The following PCCA variants were observed in gnomAD, a reference collection of about 807,000 sequenced individuals.
The protein encoded by PCCA is propionyl-CoA carboxylase subunit alpha.
A neutral mutation model predicts 101.3 loss-of-function variants in PCCA; 74 were observed. The ratio of observed to expected loss-of-function variants is 0.73; its 90% confidence interval spans 0.61 to 0.89. The LOEUF (loss-of-function observed/expected upper bound fraction) is 0.89, where lower values mean the gene tolerates loss of function less well. Ranked by LOEUF, PCCA falls within the 40% of genes least tolerant of loss-of-function variation. The pLI, the probability that PCCA is intolerant of heterozygous loss-of-function variation, is 0.00. For synonymous variants in PCCA, 294 were observed against 313.6 expected, an observed-to-expected ratio of 0.94 and a Z score of 0.66; for missense variants, 891 against 907.0, an observed-to-expected ratio of 0.98 and a Z score of 0.23.
chr13:100,421,200 G>A (rs1283286), intron 19 of PCCA, among the ~76,000 whole-genome samples: 6,151 of 151,260 alleles, frequency 0.041, 397 homozygotes, highest in African/African-American at 0.13. Context: ...CACAGAGTGA[G>A]GCTTAAAAAA....
chr13:100,197,707 A>T (rs893373212), intron 6 of PCCA, among the ~76,000 whole-genome samples: 13 of 152,176 alleles, frequency 8.5e-5, no homozygotes, highest in Non-Finnish European at 1.5e-5. Context: ...GGCATGAGCC[A>T]CTGTGCCCAG....
chr13:100,341,565 C>T (rs1284152411), intron 18 of PCCA, among the ~76,000 whole-genome samples: 1 of 152,174 alleles, frequency 6.6e-6, no homozygotes, highest in Non-Finnish European at 1.5e-5. Flanking sequence ...CTGCACTGGG[C>T]AACTCTAAGA....
At chr13:100,517,296 G>A (rs991810908) in intron 22 of PCCA, among the ~76,000 whole-genome samples, 6 of 152,170 alleles carry the variant, frequency 3.9e-5, no homozygotes, top group African/African-American at 1.4e-4. Flanking sequence ...GATCAGCGCA[G>A]CCTTCTGGTT....
chr13:100,441,344 G>A (rs963173769), intron 20 of PCCA, among the ~76,000 whole-genome samples: 2 of 152,116 alleles, frequency 1.3e-5, no homozygotes, highest in Non-Finnish European at 2.9e-5. Flanking sequence ...AAATCAGTGA[G>A]GGGAAAAAGA....
chr13:100,163,629 T>C (rs2054720497), intron 6 of PCCA, among the ~76,000 whole-genome samples: 1 of 152,194 alleles, frequency 6.6e-6, no homozygotes, highest in Non-Finnish European at 1.5e-5. Flanking sequence ...TCATGTGTCA[T>C]CAGGCTCACC....
intron 4 of PCCA, among the ~76,000 whole-genome samples, chr13:100,121,785 T>C (rs965108061): frequency 1.3e-5 from 2 of 152,174 alleles, no homozygotes; most frequent in African/African-American, 4.8e-5. Flanking sequence ...GGATTCTTTA[T>C]ATAAGATCAT....
intron 4 of PCCA, among the ~76,000 whole-genome samples, chr13:100,127,058 C>G (rs1176175640): frequency 6.6e-6 from 1 of 152,192 alleles, no homozygotes; most frequent in African/African-American, 2.4e-5. Context: ...TCTTAAAGGA[C>G]TGATAGCTTA....
chr13:100,379,162 A>C (rs961557162), intron 19 of PCCA, among the ~76,000 whole-genome samples: 10 of 152,052 alleles, frequency 6.6e-5, no homozygotes, highest in African/African-American at 2.4e-4. Flanking sequence ...TGTGGTAGTC[A>C]CTGTATAGTG....
chr13:100,456,503 C>T (rs1296941393), intron 21 of PCCA, among the ~76,000 whole-genome samples: 3 of 152,080 alleles, frequency 2.0e-5, no homozygotes, highest in Non-Finnish European at 2.9e-5. Flanking sequence ...CATCAAGATG[C>T]GGAGACCGGT....
At chr13:100,242,463 C>G (rs1341885946) in intron 8 of PCCA, among the ~76,000 whole-genome samples, 1 of 152,076 alleles carries the variant, frequency 6.6e-6, no homozygotes, top group East Asian at 1.9e-4. Context: ...TAATAGCACA[C>G]TATAAGTAAT....
At chr13:100,381,228 C>G (rs1438198871) in intron 19 of PCCA, among the ~76,000 whole-genome samples, 1 of 151,974 alleles carries the variant, frequency 6.6e-6, no homozygotes, top group Non-Finnish European at 1.5e-5. Context: ...ACTAAAAATA[C>G]AAAAACAAAA....
At chr13:100,233,336 G>A (rs1446689244) in intron 7 of PCCA, among the ~76,000 whole-genome samples, 1 of 152,142 alleles carries the variant, frequency 6.6e-6, no homozygotes, top group East Asian at 1.9e-4. Context: ...TTGTATTTCT[G>A]TAATTAGGAG....
intron 21 of PCCA, among the ~76,000 whole-genome samples, chr13:100,479,301 G>A (rs1248513209): frequency 6.6e-6 from 1 of 152,202 alleles, no homozygotes; most frequent in African/African-American, 2.4e-5. Flanking sequence ...GAGAGATTCT[G>A]ATGGGGTACA....
At chr13:100,249,281 A>G (rs537257474) in intron 8 of PCCA, among the ~76,000 whole-genome samples, 1 of 152,310 alleles carries the variant, frequency 6.6e-6, no homozygotes, top group South Asian at 2.1e-4. Context: ...TGAAAGGTAT[A>G]AGGATTGTGG....
intron 4 of PCCA, among the ~76,000 whole-genome samples, chr13:100,123,482 C>T (rs1297426189): frequency 1.3e-5 from 2 of 152,108 alleles, no homozygotes; most frequent in South Asian, 2.1e-4. Context: ...CTCGTAGAAG[C>T]AATGGAAATG....
At chr13:100,112,148 T>C in intron 4 of PCCA, 87 bp downstream of exon 4, 1 of 887,454 alleles carries the variant, frequency 1.1e-6, no homozygotes, top group Admixed American at 2.0e-5. Flanking sequence ...TTTCTTGGCC[T>C]GCACAAGATA....
intron 16 of PCCA, among the ~76,000 whole-genome samples, chr13:100,317,062 A>G (rs2067439753): frequency 6.6e-6 from 1 of 152,176 alleles, no homozygotes; most frequent in African/African-American, 2.4e-5. Flanking sequence ...CTGTTTAACC[A>G]GGGCAGGGAA....
At chr13:100,147,009 C>CT (rs1412688149) in intron 4 of PCCA, among the ~76,000 whole-genome samples, 3 of 120,544 alleles carry the variant, frequency 2.5e-5, no homozygotes, top group Non-Finnish European at 5.0e-5. Flanking sequence ...AGGTAGAATT[C>CT]TAAAAAAAAA....
At chr13:100,281,368 G>A (rs972234655) in intron 12 of PCCA, among the ~76,000 whole-genome samples, 3 of 152,172 alleles carry the variant, frequency 2.0e-5, no homozygotes, top group Non-Finnish European at 4.4e-5. Flanking sequence ...AAGTGCTTAA[G>A]ATGGAAAAGA....
Sources: gnomAD v4.1 joint callset for allele counts (sites outside exome capture counted in the v4.1 genomes callset) on GRCh38, gnomAD v4.1.1 for gene constraint, MANE v1.5 for transcripts, NCBI Gene and HGNC (gene_info 2026-07-23, HGNC 2026-07-21) for gene names.